The following CA10 variants were observed in gnomAD, a reference collection of about 807,000 sequenced individuals.
The protein encoded by CA10 is carbonic anhydrase-related protein 10.
In CA10, 14 loss-of-function variants were observed where a neutral mutation model predicts 44.2. The observed-to-expected ratio is 0.32, with a 90% CI of 0.21 to 0.50. The LOEUF (loss-of-function observed/expected upper bound fraction) is 0.50. Among genes scored for constraint, CA10 ranks in the 20% least tolerant of loss-of-function variants. CA10 has a pLI of 0.99. For missense variants in CA10, 350 were observed against 409.7 expected (o/e 0.85, Z 1.26); for synonymous variants, 159 against 141.6 (o/e 1.12, Z -0.87).
At chr17:51,973,512 T>C (rs1388561297) in intron 2 of CA10, among the ~76,000 whole-genome samples, 2 of 152,168 alleles carry the variant, frequency 1.3e-5, no homozygotes, top group African/African-American at 4.8e-5. Context: ...TTCTGGGGAA[T>C]TGTGAGCTGA....
intron 2 of CA10, among the ~76,000 whole-genome samples, chr17:51,967,081 A>T (rs1306147217): frequency 6.6e-6 from 1 of 151,466 alleles, no homozygotes; most frequent in Non-Finnish European, 1.5e-5. Flanking sequence ...GACAACAAAC[A>T]TATGAAAAAA....
At chr17:51,741,229 G>C (rs1388960544) in intron 4 of CA10, among the ~76,000 whole-genome samples, 1 of 152,200 alleles carries the variant, frequency 6.6e-6, no homozygotes, top group Non-Finnish European at 1.5e-5. Context: ...ACTCAAGTCT[G>C]TGCCTTGTCC....
chr17:51,917,581 A>G (rs1982054644), intron 3 of CA10, among the ~76,000 whole-genome samples: 1 of 152,182 alleles, frequency 6.6e-6, no homozygotes, highest in Non-Finnish European at 1.5e-5. Flanking sequence ...AGCCTCGGGG[A>G]GTTTTTACTC....
intron 2 of CA10, among the ~76,000 whole-genome samples, chr17:51,993,020 C>A (rs973396991): frequency 6.6e-6 from 1 of 152,136 alleles, no homozygotes; most frequent in African/African-American, 2.4e-5. Flanking sequence ...TTCCCCCATA[C>A]ACTAATTAAA....
At chr17:51,887,652 G>A (rs1303877962) in intron 3 of CA10, among the ~76,000 whole-genome samples, 1 of 151,968 alleles carries the variant, frequency 6.6e-6, no homozygotes, top group East Asian at 1.9e-4. Flanking sequence ...GGCTTATTGT[G>A]AAGATAAAAT....
At chr17:51,764,017 C>A (rs2143642701) in intron 3 of CA10, among the ~76,000 whole-genome samples, 1 of 147,952 alleles carries the variant, frequency 6.8e-6, no homozygotes, top group South Asian at 2.1e-4. Flanking sequence ...TTATGAACCA[C>A]CATGAAAGTA....
intron 3 of CA10, among the ~76,000 whole-genome samples, chr17:51,901,188 T>C (rs1271508553): frequency 6.6e-6 from 1 of 152,066 alleles, no homozygotes. Context: ...ATGGATTTCA[T>C]TGCTTTTTTT....
At chr17:51,665,140 T>C (rs75639624) in intron 4 of CA10, among the ~76,000 whole-genome samples, 12,283 of 152,292 alleles carry the variant, frequency 0.081, 678 homozygotes, top group Non-Finnish European at 0.12. Flanking sequence ...TCTCCTCTCA[T>C]AAATGAAGCT....
intron 2 of CA10, among the ~76,000 whole-genome samples, chr17:52,035,960 A>C (rs1317074786): frequency 6.6e-6 from 1 of 152,224 alleles, no homozygotes; most frequent in East Asian, 1.9e-4. Flanking sequence ...GTAGTTGGCC[A>C]ACACCTTGTC....
At chr17:51,942,650 C>A (rs1015925280) in intron 2 of CA10, among the ~76,000 whole-genome samples, 1 of 151,622 alleles carries the variant, frequency 6.6e-6, no homozygotes, top group East Asian at 1.9e-4. Flanking sequence ...AATGCAGGTT[C>A]CCACTGCCAG....
chr17:52,001,179 A>T (rs1319276429), intron 2 of CA10, among the ~76,000 whole-genome samples: 2 of 151,960 alleles, frequency 1.3e-5, no homozygotes. Context: ...TGTGTGGCCT[A>T]TGAGGTAAGA....
At chr17:51,997,694 G>T (rs1157427311) in intron 2 of CA10, among the ~76,000 whole-genome samples, 1 of 152,018 alleles carries the variant, frequency 6.6e-6, no homozygotes, top group Non-Finnish European at 1.5e-5. Flanking sequence ...GTTGATTTTT[G>T]TGTGTGTGTA....
intron 4 of CA10, among the ~76,000 whole-genome samples, chr17:51,717,710 CATATATACGT>C (rs1277740274): frequency 4.0e-5 from 1 of 25,094 alleles, no homozygotes; most frequent in African/African-American, 1.1e-4. Flanking sequence ...TGTATATATA[CATATATACGT>C]ATATATACAT....
intron 3 of CA10, among the ~76,000 whole-genome samples, chr17:51,881,413 A>G (rs1477714241): frequency 6.6e-6 from 1 of 152,150 alleles, no homozygotes; most frequent in Non-Finnish European, 1.5e-5. Flanking sequence ...CAGGATTCAC[A>G]AAGATTCATG....
intron 1 of CA10, among the ~76,000 whole-genome samples, chr17:52,121,706 G>A (rs1275571023): frequency 2.0e-5 from 3 of 151,554 alleles, no homozygotes; most frequent in Non-Finnish European, 4.4e-5. Context: ...ACACACACCA[G>A]GGCAAAATAT....
intron 5 of CA10, among the ~76,000 whole-genome samples, chr17:51,649,657 G>A (rs892197837): frequency 1.3e-5 from 2 of 152,158 alleles, no homozygotes; most frequent in South Asian, 2.1e-4. Flanking sequence ...TTACATACAC[G>A]GACATGGGGA....
At chr17:52,054,096 C>G (rs1357427523) in intron 2 of CA10, among the ~76,000 whole-genome samples, 1 of 152,168 alleles carries the variant, frequency 6.6e-6, no homozygotes, top group Non-Finnish European at 1.5e-5. Flanking sequence ...GGGAGATAAC[C>G]TTAAACTCTG....
At chr17:51,891,322 T>A (rs1414759604) in intron 3 of CA10, among the ~76,000 whole-genome samples, 2 of 152,258 alleles carry the variant, frequency 1.3e-5, no homozygotes, top group Admixed American at 1.3e-4. Flanking sequence ...AGAGAGAAAG[T>A]GCTAAGTATT....
chr17:51,646,818 C>T (rs1913358328), intron 6 of CA10, among the ~76,000 whole-genome samples: 1 of 152,328 alleles, frequency 6.6e-6, no homozygotes, highest in Admixed American at 6.5e-5. Flanking sequence ...AAAGCAGTGT[C>T]AGGGTCATTC....
Sources: allele counts gnomAD v4.1 joint callset (sites outside exome capture counted in the v4.1 genomes callset), GRCh38; gene constraint gnomAD v4.1.1; transcripts MANE v1.5; gene names NCBI Gene and HGNC (gene_info 2026-07-23, HGNC 2026-07-21).